SH3BGR: variants seen among roughly 807,000 people sequenced by gnomAD.
The protein encoded by SH3BGR is SH3 domain binding glutamate rich protein, also known as SH3 domain-binding glutamic acid-rich protein.
A neutral mutation model predicts 24.5 loss-of-function variants in SH3BGR; 29 were observed. The ratio of observed to expected loss-of-function variants is 1.18; its 90% CI spans 0.88 to 1.61. The LOEUF is 1.61. Among genes scored for constraint, SH3BGR ranks in the 40% most tolerant of loss-of-function variants. The pLI is 0.00. For missense variants in SH3BGR, 162 were observed against 205.8 expected (o/e 0.79, Z 1.30); for synonymous variants, 55 against 65.7 (o/e 0.84, Z 0.79).
In SH3BGR at chr21:39,452,074, G is replaced by GAGTC; in HGVS notation, c.-22_-19dup. 6.2e-7 allele frequency: 1 copy of GAGTC among 1,614,122 alleles called. No homozygotes were observed. The highest frequency in any genetic ancestry group is 1.6e-4 in the Middle Eastern group (1 of 6,062). On this transcript the variant is annotated 5_prime_UTR_variant, in exon 1 of 7. Transcript: ENST00000333634. ...TTCCCTGACAGGGGTGTGTTGGGGG[G>GAGTC]AGTCCTCTTTCCAACTGTCGAAATG...
intron 2 of SH3BGR, among the ~76,000 whole-genome samples, chr21:39,474,324 G>C (rs1435344909): frequency 3.3e-5 from 5 of 152,174 alleles, no homozygotes; most frequent in African/African-American, 7.2e-5. Context: ...AACTAAGTTG[G>C]TTTGTGTGTT....
intron 2 of SH3BGR, among the ~76,000 whole-genome samples, chr21:39,472,833 G>A (rs2077963735): frequency 6.6e-6 from 1 of 152,070 alleles, no homozygotes. Context: ...CGAGGCTCCG[G>A]GCTTTATCTA....
At chr21:39,468,933 T>A (rs2077888844) in intron 2 of SH3BGR, among the ~76,000 whole-genome samples, 3 of 152,152 alleles carry the variant, frequency 2.0e-5, no homozygotes. Flanking sequence ...ATTTCCTTAA[T>A]GAATGGACTG....
intron 2 of SH3BGR, among the ~76,000 whole-genome samples, chr21:39,472,952 C>T (rs2077965758): frequency 6.6e-6 from 1 of 152,142 alleles, no homozygotes; most frequent in African/African-American, 2.4e-5. Context: ...TCTCAGGATT[C>T]ACGCTCTCAC....
chr21:39,469,261 A>T (rs2077896681), intron 2 of SH3BGR, among the ~76,000 whole-genome samples: 1 of 150,926 alleles, frequency 6.6e-6, no homozygotes, highest in Admixed American at 6.6e-5. Context: ...TGTTTAAAAT[A>T]GGTAGTTATG....
At chr21:39,505,280 G>C (rs2078563293) in intron 4 of SH3BGR, among the ~76,000 whole-genome samples, 1 of 152,194 alleles carries the variant, frequency 6.6e-6, no homozygotes, top group Non-Finnish European at 1.5e-5. Context: ...AAATGACAGA[G>C]TCACTGCCCC....
intron 3 of SH3BGR, among the ~76,000 whole-genome samples, chr21:39,487,685 T>G (rs2078233161): frequency 6.6e-6 from 1 of 152,256 alleles, no homozygotes; most frequent in South Asian, 2.1e-4. Flanking sequence ...TTCAGTCTAA[T>G]GAATAAGGCA....
chr21:39,504,286 T>C (rs544885900), intron 4 of SH3BGR, among the ~76,000 whole-genome samples: 32 of 152,268 alleles, frequency 2.1e-4, no homozygotes, highest in African/African-American at 7.5e-4. Flanking sequence ...GGAGGAGTCA[T>C]GGGTCTCAGC....
chr21:39,502,264 A>T (rs1252960191), intron 4 of SH3BGR, among the ~76,000 whole-genome samples: 3 of 152,196 alleles, frequency 2.0e-5, no homozygotes, highest in African/African-American at 4.8e-5. Context: ...GCTGACAGGG[A>T]ATCAGAAAGA....
chr21:39,470,692 A>G (rs1229264249), intron 2 of SH3BGR, among the ~76,000 whole-genome samples: 1 of 152,188 alleles, frequency 6.6e-6, no homozygotes, highest in Non-Finnish European at 1.5e-5. Context: ...TTGTTGGTTG[A>G]ACAATCAATG....
intron 3 of SH3BGR, among the ~76,000 whole-genome samples, chr21:39,497,609 A>ATTTT (rs2078420886): frequency 6.6e-6 from 1 of 152,102 alleles, no homozygotes; most frequent in Non-Finnish European, 1.5e-5. Flanking sequence ...AACTCAAGTA[A>ATTTT]AAATGAGCAA....
At chr21:39,494,271 G>T in intron 3 of SH3BGR, among the ~76,000 whole-genome samples, 1 of 149,240 alleles carries the variant, frequency 6.7e-6, no homozygotes, top group Non-Finnish European at 1.5e-5. Flanking sequence ...TTAAGTAGGA[G>T]GTAATCTTTT....
chr21:39,508,614 G>A (rs1405672245), intron 4 of SH3BGR, among the ~76,000 whole-genome samples: 1 of 152,236 alleles, frequency 6.6e-6, no homozygotes, highest in African/African-American at 2.4e-5. Flanking sequence ...CATAAAGTCA[G>A]AAAAGACATT....
At chr21:39,455,796 C>T (rs1247908573) in intron 1 of SH3BGR, among the ~76,000 whole-genome samples, 2 of 152,166 alleles carry the variant, frequency 1.3e-5, no homozygotes, top group Non-Finnish European at 2.9e-5. Flanking sequence ...CCCTGAATAG[C>T]GTGATAAGCA....
intron 4 of SH3BGR, among the ~76,000 whole-genome samples, chr21:39,502,323 C>G (rs983205708): frequency 6.6e-6 from 1 of 152,160 alleles, no homozygotes; most frequent in Non-Finnish European, 1.5e-5. Context: ...AAGTATGAGA[C>G]ACATCCTAGT....
intron 1 of SH3BGR, among the ~76,000 whole-genome samples, chr21:39,452,741 C>T (rs928535917): frequency 5.3e-5 from 8 of 152,162 alleles, no homozygotes; most frequent in Admixed American, 3.3e-4. Context: ...AGCTGAAAGC[C>T]GACCTTCATA....
chr21:39,488,070 T>A (rs1329924889), intron 3 of SH3BGR, among the ~76,000 whole-genome samples: 1 of 152,194 alleles, frequency 6.6e-6, no homozygotes, highest in Non-Finnish European at 1.5e-5. Flanking sequence ...CACCAATTCA[T>A]TTAGTCCTGT....
At chr21:39,498,699 C>T (rs1468473739) in intron 3 of SH3BGR, among the ~76,000 whole-genome samples, 8 of 152,110 alleles carry the variant, frequency 5.3e-5, no homozygotes, top group Admixed American at 2.6e-4. Flanking sequence ...ACTGGTGTCT[C>T]GAGCCATCGT....
At chr21:39,499,764 G>GT (rs367637028) in intron 3 of SH3BGR, 59 bp from the exon 4 acceptor site, 110,763 of 925,792 alleles carry the variant, frequency 0.12, 19 homozygotes, top group South Asian at 0.15. Context: ...TATGTGGCCT[G>GT]TTTTTTTTTT....
Sources: allele counts gnomAD v4.1 joint callset (sites outside exome capture counted in the v4.1 genomes callset), GRCh38; gene constraint gnomAD v4.1.1; transcripts MANE v1.5; gene names NCBI Gene and HGNC (gene_info 2026-07-23, HGNC 2026-07-21).